The following FER variants were observed in gnomAD, a reference collection of about 807,000 sequenced individuals.
FER encodes FER tyrosine kinase, also known as tyrosine-protein kinase Fer.
A neutral mutation model predicts 111.0 loss-of-function variants in FER; 63 were observed. The observed-to-expected ratio is 0.57, with a 90% CI of 0.46 to 0.70. The LOEUF (loss-of-function observed/expected upper bound fraction) is 0.70, where lower values mean the gene tolerates loss of function less well. Among genes scored for constraint, FER ranks in the 30% least tolerant of loss-of-function variants. The pLI, the probability that FER is intolerant of heterozygous loss-of-function variation, is 0.00. For synonymous variants in FER, 327 were observed against 313.9 expected (o/e 1.04, Z -0.44); for missense variants, 914 against 954.0 (o/e 0.96, Z 0.55).
At chr5:109,082,533 A>G (rs180765760) in intron 16 of FER, among the ~76,000 whole-genome samples, 65 of 152,162 alleles carry the variant, frequency 4.3e-4, no homozygotes, top group Admixed American at 8.5e-4. Context: ...AGAGAGCTCA[A>G]TGAGATAATG....
intron 5 of FER, among the ~76,000 whole-genome samples, chr5:108,847,163 T>G (rs1762110034): frequency 6.6e-6 from 1 of 151,686 alleles, no homozygotes; most frequent in African/African-American, 2.4e-5. Context: ...ATACTTTTTT[T>G]TTTTGCAGTT....
chr5:108,958,430 G>A (rs1444945322), intron 12 of FER, among the ~76,000 whole-genome samples: 1 of 151,680 alleles, frequency 6.6e-6, no homozygotes, highest in Non-Finnish European at 1.5e-5. Context: ...GAAAAATATG[G>A]CCAATAGGGT....
chr5:109,150,330 A>G (rs1055914739), intron 17 of FER, among the ~76,000 whole-genome samples: 4 of 151,908 alleles, frequency 2.6e-5, no homozygotes, highest in Non-Finnish European at 2.9e-5. Flanking sequence ...CTTTAAACAT[A>G]CTTTCACTTC....
At chr5:109,078,820 T>C (rs1248341644) in intron 16 of FER, among the ~76,000 whole-genome samples, 4 of 152,186 alleles carry the variant, frequency 2.6e-5, no homozygotes, top group Non-Finnish European at 5.9e-5. Context: ...TTTTGAATAC[T>C]GTCAGAGTTG....
chr5:108,766,195 G>T (rs930108908), intron 1 of FER, among the ~76,000 whole-genome samples: 1 of 152,166 alleles, frequency 6.6e-6, no homozygotes, highest in African/African-American at 2.4e-5. Context: ...GCCTCCCAAA[G>T]TGCTGACATT....
intron 13 of FER, among the ~76,000 whole-genome samples, chr5:109,009,897 A>G (rs753460285): frequency 5.3e-5 from 8 of 152,168 alleles, no homozygotes; most frequent in Non-Finnish European, 1.0e-4. Context: ...GTAGTGTTTT[A>G]AGACAGTGAA....
At chr5:108,922,232 G>A (rs556382680) in intron 10 of FER, among the ~76,000 whole-genome samples, 4 of 152,338 alleles carry the variant, frequency 2.6e-5, no homozygotes, top group South Asian at 4.1e-4. Flanking sequence ...CTGTAGGAGA[G>A]TAAGTTTCTG....
intron 10 of FER, among the ~76,000 whole-genome samples, chr5:108,930,160 TG>T (rs1754354748): frequency 6.6e-6 from 1 of 151,952 alleles, no homozygotes; most frequent in African/African-American, 2.4e-5. Context: ...CTTTCTTTTT[TG>T]TTTTACATTT....
intron 13 of FER, among the ~76,000 whole-genome samples, chr5:108,986,876 G>A (rs1762631475): frequency 6.6e-6 from 1 of 152,090 alleles, no homozygotes; most frequent in Admixed American, 6.5e-5. Flanking sequence ...GTCAGGTAAT[G>A]TGATGCCTCC....
intron 11 of FER, among the ~76,000 whole-genome samples, chr5:108,950,829 A>G (rs1004022682): frequency 6.6e-6 from 1 of 152,114 alleles, no homozygotes; most frequent in African/African-American, 2.4e-5. Context: ...TTTCCCTTTC[A>G]CTGCAAATAA....
At chr5:108,939,308 G>A (rs1387966853) in intron 10 of FER, among the ~76,000 whole-genome samples, 1 of 151,926 alleles carries the variant, frequency 6.6e-6, no homozygotes, top group Non-Finnish European at 1.5e-5. Flanking sequence ...ATATTGTTTT[G>A]TTAGTGATCA....
chr5:108,897,222 T>C (rs974608775), intron 9 of FER, among the ~76,000 whole-genome samples: 1 of 152,196 alleles, frequency 6.6e-6, no homozygotes. Flanking sequence ...ACAAGCTTTG[T>C]GTCCAGACTG....
intron 9 of FER, among the ~76,000 whole-genome samples, chr5:108,886,699 G>A (rs116744724): frequency 3.3e-5 from 5 of 151,526 alleles, no homozygotes; most frequent in African/African-American, 1.2e-4. Context: ...AAGTTAGCAG[G>A]GGTAAGTATG....
intron 17 of FER, among the ~76,000 whole-genome samples, chr5:109,154,089 C>A (rs1365955163): frequency 2.0e-5 from 3 of 150,428 alleles, no homozygotes; most frequent in East Asian, 3.9e-4. Flanking sequence ...AAAAAAAAAC[C>A]CATGCTGCTC....
At chr5:108,955,604 T>A (rs993349519) in intron 12 of FER, among the ~76,000 whole-genome samples, 1 of 151,896 alleles carries the variant, frequency 6.6e-6, no homozygotes, top group African/African-American at 2.4e-5. Context: ...AATTTAGCTT[T>A]ACCCACTAAG....
intron 18 of FER, among the ~76,000 whole-genome samples, chr5:109,185,615 G>A (rs548254788): frequency 4.2e-4 from 64 of 152,056 alleles, no homozygotes; most frequent in African/African-American, 1.5e-3. Context: ...CTTGCACACT[G>A]GCTGAATATT....
rs956632144 is a variant in FER, at chr5:108,888,887, C to T, written c.1046+5369C>T. 6.6e-5 allele frequency among the ~76,000 whole-genome samples: 10 copies of T among 151,776 alleles called. No homozygotes were observed. In the South Asian group the frequency reaches 2.1e-3, roughly 32 times the overall value. On this transcript the variant is annotated intron_variant, in intron 9 of 19. Transcript: ENST00000281092. ...AATGTTAGGACTAGAGACATACACCCCCTGCAAGTCTCATTATCCTTAAAA... is the reference window on the plus strand; with the variant it reads ...AATGTTAGGACTAGAGACATACACCTCCTGCAAGTCTCATTATCCTTAAAA...
At chr5:109,101,382 G>A (rs1212215714) in intron 17 of FER, among the ~76,000 whole-genome samples, 2 of 151,890 alleles carry the variant, frequency 1.3e-5, no homozygotes, top group African/African-American at 4.8e-5. Context: ...TTTTCTCTGA[G>A]GGGAATCATT....
At chr5:109,162,078 C>T (rs957171449) in intron 17 of FER, among the ~76,000 whole-genome samples, 1 of 152,070 alleles carries the variant, frequency 6.6e-6, no homozygotes, top group African/African-American at 2.4e-5. Context: ...ATGTCCTATA[C>T]CTACTTTTTA....
Sources: allele counts gnomAD v4.1 joint callset (sites outside exome capture counted in the v4.1 genomes callset), GRCh38; gene constraint gnomAD v4.1.1; transcripts MANE v1.5; gene names NCBI Gene and HGNC (gene_info 2026-07-23, HGNC 2026-07-21).